The following OR1B1 variants were observed in gnomAD, a reference collection of about 807,000 sequenced individuals.
The protein encoded by OR1B1 is olfactory receptor 1B1.
For missense variants in OR1B1, 414 were observed against 402.1 expected, an observed-to-expected ratio of 1.03 and a Z score of -0.25; for synonymous variants, 168 against 156.2, an observed-to-expected ratio of 1.08 and a Z score of -0.57.
rs1260103936 is a variant in OR1B1 at position 122,629,139 on chromosome 9, G to T, written c.397C>A (p.His133Asn). 6 of 1,614,106 alleles carry T rather than the reference G, an allele frequency of 3.7e-6. No individual in the cohort carries two copies. In the South Asian group the frequency reaches 5.5e-5, roughly 15 times the overall value. The change falls in exon 1 of 1, where the codon CAC (histidine) becomes AAC (asparagine). Residue 133 changes from histidine (H) to asparagine (N), a missense_variant. Physicochemically the swap from His to Asn is moderately conservative, Grantham distance 68. Transcript: ENST00000623530. ...TGGTGATTCATTACCAAAGCATAGT[G>T]CAGGGGGTCACAGATGGCCACATAG...
chr9:122,630,453 C>T (rs550158546), upstream of OR1B1, among the ~76,000 whole-genome samples: 209 of 152,312 alleles, frequency 1.4e-3, no homozygotes, highest in African/African-American at 4.8e-3. Flanking sequence ...TCCACTATGA[C>T]TATTTAAGTT....
upstream of OR1B1, among the ~76,000 whole-genome samples, chr9:122,634,332 T>A: frequency 8.1e-6 from 1 of 123,416 alleles, no homozygotes. Flanking sequence ...GCGAACTCCA[T>A]CTCAAAAAAA....
At chr9:122,643,562 C>T in the OR1B1 span, among the ~76,000 whole-genome samples, 1 of 152,210 alleles carries the variant, frequency 6.6e-6, no homozygotes, top group Admixed American at 6.5e-5. Flanking sequence ...AATTCCTAGG[C>T]AACTCCTAGT....
At chr9:122,646,219 A>G in the OR1B1 span, among the ~76,000 whole-genome samples, 3 of 152,132 alleles carry the variant, frequency 2.0e-5, no homozygotes, top group Admixed American at 1.3e-4. Flanking sequence ...AAGAGCAAAA[A>G]ATAAAAGCAT....
At chr9:122,638,148 T>C in the OR1B1 span, among the ~76,000 whole-genome samples, 3 of 152,158 alleles carry the variant, frequency 2.0e-5, no homozygotes, top group African/African-American at 4.8e-5. Context: ...AAAACATACA[T>C]AGTGAAATTC....
chr9:122,647,778 C>G, the OR1B1 span, among the ~76,000 whole-genome samples: 5 of 145,606 alleles, frequency 3.4e-5, no homozygotes, highest in African/African-American at 1.1e-4. Flanking sequence ...AAATTCACAC[C>G]TGTACCCACT....
the OR1B1 span, among the ~76,000 whole-genome samples, chr9:122,647,467 A>C: frequency 6.6e-6 from 1 of 152,304 alleles, no homozygotes; most frequent in Admixed American, 6.5e-5. Flanking sequence ...ACTTTAAATA[A>C]ATAACCTAAT....
At chr9:122,634,803 G>C in the OR1B1 span, among the ~76,000 whole-genome samples, 1 of 152,170 alleles carries the variant, frequency 6.6e-6, no homozygotes, top group South Asian at 2.1e-4. Context: ...TCAGGGAAAT[G>C]AAAATCAAAA....
At chr9:122,638,986 A>G in the OR1B1 span, among the ~76,000 whole-genome samples, 3 of 152,170 alleles carry the variant, frequency 2.0e-5, no homozygotes, top group Non-Finnish European at 4.4e-5. Flanking sequence ...GGTTTATGCT[A>G]CACTACAGTG....
chr9:122,640,482 A>G, the OR1B1 span, among the ~76,000 whole-genome samples: 4 of 152,324 alleles, frequency 2.6e-5, no homozygotes, highest in Non-Finnish European at 5.9e-5. Context: ...AGAGAGAATA[A>G]CAGGGACTGG....
At chr9:122,633,407 A>G (rs1830223780), upstream of OR1B1, among the ~76,000 whole-genome samples, 1 of 152,158 alleles carries the variant, frequency 6.6e-6, no homozygotes, top group African/African-American at 2.4e-5. Context: ...TTTTCTGGAT[A>G]TTACACCAAA....
the OR1B1 span, among the ~76,000 whole-genome samples, chr9:122,640,315 A>G: frequency 6.6e-6 from 1 of 152,088 alleles, no homozygotes; most frequent in African/African-American, 2.4e-5. Context: ...TCCCCTCACC[A>G]TGAAGCCTCC....
chr9:122,647,387 G>A, the OR1B1 span, among the ~76,000 whole-genome samples: 2 of 151,888 alleles, frequency 1.3e-5, no homozygotes, highest in African/African-American at 4.8e-5. Context: ...CAAAACCTAT[G>A]GGATACAGTG....
chr9:122,647,610 A>C, the OR1B1 span, among the ~76,000 whole-genome samples: 1 of 152,326 alleles, frequency 6.6e-6, no homozygotes, highest in Admixed American at 6.5e-5. Context: ...TCAATGAAAC[A>C]AATAATTGTT....
the OR1B1 span, among the ~76,000 whole-genome samples, chr9:122,648,820 A>G: frequency 6.6e-6 from 1 of 152,188 alleles, no homozygotes; most frequent in African/African-American, 2.4e-5. Context: ...AAATGGCTAT[A>G]CTGCCCAAAG....
exon 1 of OR1B1, chr9:122,629,453 A>G (rs367659115): frequency 6.2e-7 from 1 of 1,613,220 alleles, no homozygotes; most frequent in African/African-American, 1.3e-5. Flanking sequence ...GAAGAAGAGG[A>G]GAGTGTAGGA....
At chr9:122,655,353 C>T in the OR1B1 span, among the ~76,000 whole-genome samples, 1 of 152,142 alleles carries the variant, frequency 6.6e-6, no homozygotes, top group African/African-American at 2.4e-5. Flanking sequence ...CTCCTATTAC[C>T]GGCTCCTTGA....
the OR1B1 span, among the ~76,000 whole-genome samples, chr9:122,637,655 AAGT>A: frequency 6.6e-6 from 1 of 152,188 alleles, no homozygotes; most frequent in African/African-American, 2.4e-5. Context: ...TTAAGGCCTT[AAGT>A]AATATTTTAC....
At chr9:122,651,852 A>C in the OR1B1 span, among the ~76,000 whole-genome samples, 3 of 152,214 alleles carry the variant, frequency 2.0e-5, no homozygotes, top group Admixed American at 6.5e-5. Context: ...CAGTGGCACT[A>C]TCATAGCTCA....
Sources: gnomAD v4.1 joint callset for allele counts (sites outside exome capture counted in the v4.1 genomes callset) on GRCh38, gnomAD v4.1.1 for gene constraint, MANE v1.5 for transcripts, NCBI Gene and HGNC (gene_info 2026-07-23, HGNC 2026-07-21) for gene names.